Variants in PIP5K1B observed in about 807,000 individuals in gnomAD.
PIP5K1B encodes the protein phosphatidylinositol-4-phosphate 5-kinase type 1 beta.
In PIP5K1B, 42 loss-of-function variants were observed where a neutral mutation model predicts 67.0. That is an observed-to-expected ratio of 0.63 (90% CI 0.49 to 0.81). The LOEUF is 0.81. Ranked by LOEUF, PIP5K1B falls within the 30% of genes least tolerant of loss-of-function variation. The probability of loss-of-function intolerance (pLI) is 0.00; values close to 1 mark genes in which losing one functional copy is unlikely to be tolerated. For missense variants in PIP5K1B, 459 were observed against 646.3 expected (o/e 0.71, Z 3.14); for synonymous variants, 214 against 231.4 (o/e 0.92, Z 0.68).
intron 5 of PIP5K1B, among the ~76,000 whole-genome samples, chr9:68,872,102 C>T (rs1823653943): frequency 1.3e-5 from 2 of 152,206 alleles, no homozygotes; most frequent in South Asian, 4.1e-4. Flanking sequence ...TGATTGCGGT[C>T]ATTGTGTTTG....
intron 14 of PIP5K1B, among the ~76,000 whole-genome samples, chr9:68,988,154 TATAA>T (rs1659916782): frequency 1.3e-5 from 2 of 152,148 alleles, no homozygotes; most frequent in Non-Finnish European, 2.9e-5. Flanking sequence ...TATGGGTATT[TATAA>T]ATAAATAATT....
chr9:68,989,518 C>T (rs1054524692), intron 14 of PIP5K1B, among the ~76,000 whole-genome samples: 1 of 152,030 alleles, frequency 6.6e-6, no homozygotes, highest in Admixed American at 6.5e-5. Flanking sequence ...ACTCTCCCAA[C>T]ACCAATATCA....
At chr9:68,842,255 G>A (rs1219086702) in intron 4 of PIP5K1B, among the ~76,000 whole-genome samples, 5 of 152,150 alleles carry the variant, frequency 3.3e-5, no homozygotes, top group Admixed American at 3.3e-4. Context: ...AGGCAGGGAG[G>A]GTGGACAGGC....
At chr9:68,873,149 C>A (rs1407390834) in intron 5 of PIP5K1B, among the ~76,000 whole-genome samples, 1 of 151,686 alleles carries the variant, frequency 6.6e-6, no homozygotes, top group African/African-American at 2.4e-5. Flanking sequence ...ACCAATCTTC[C>A]AGGTAAAATG....
chr9:68,887,351 G>A (rs913639413), intron 6 of PIP5K1B, among the ~76,000 whole-genome samples: 6 of 152,236 alleles, frequency 3.9e-5, no homozygotes, highest in East Asian at 3.9e-4. Flanking sequence ...GGAGGTTGTC[G>A]CAGGCACAGG....
intron 14 of PIP5K1B, chr9:68,941,157 T>C: frequency 2.2e-6 from 1 of 458,530 alleles, no homozygotes; most frequent in South Asian, 1.6e-5. Flanking sequence ...TATTCTCTTT[T>C]GGTATGTGTG....
At chr9:68,929,991 C>A (rs1826911621) in intron 12 of PIP5K1B, among the ~76,000 whole-genome samples, 1 of 152,188 alleles carries the variant, frequency 6.6e-6, no homozygotes, top group African/African-American at 2.4e-5. Flanking sequence ...TCTTAAAACT[C>A]TCCAGCATGT....
chr9:68,872,442 A>G (rs1234120637), intron 5 of PIP5K1B, among the ~76,000 whole-genome samples: 1 of 152,234 alleles, frequency 6.6e-6, no homozygotes, highest in Non-Finnish European at 1.5e-5. Context: ...GAGGTAAACA[A>G]ACCTTCTGCT....
chr9:68,732,963 C>T (rs188693559), intron 1 of PIP5K1B, among the ~76,000 whole-genome samples: 83 of 151,896 alleles, frequency 5.5e-4, no homozygotes, highest in African/African-American at 1.7e-3. Flanking sequence ...ATGACGACGA[C>T]GATGATGTGG....
At chr9:68,727,901 G>A (rs551757149) in intron 1 of PIP5K1B, among the ~76,000 whole-genome samples, 1 of 152,280 alleles carries the variant, frequency 6.6e-6, no homozygotes, top group South Asian at 2.1e-4. Flanking sequence ...ATCCCCTAAA[G>A]AGATACTTAA....
chr9:68,852,172 A>G (rs961668690), intron 4 of PIP5K1B, among the ~76,000 whole-genome samples: 1 of 152,182 alleles, frequency 6.6e-6, no homozygotes, highest in African/African-American at 2.4e-5. Flanking sequence ...TGGCACATGT[A>G]TACCTATGTA....
At chr9:68,829,445 C>A (rs1319093717) in intron 4 of PIP5K1B, among the ~76,000 whole-genome samples, 1 of 152,144 alleles carries the variant, frequency 6.6e-6, no homozygotes, top group African/African-American at 2.4e-5. Flanking sequence ...TCTGCCTCCA[C>A]CCCCCAGGAA....
intron 13 of PIP5K1B, chr9:68,935,809 T>C (rs1827235903): frequency 1.3e-5 from 2 of 152,194 alleles, no homozygotes; most frequent in Non-Finnish European, 2.9e-5. Context: ...TACACGTTCT[T>C]TACTTTGAAA....
chr9:68,916,602 G>A (rs1268288907), intron 8 of PIP5K1B, among the ~76,000 whole-genome samples: 1 of 152,084 alleles, frequency 6.6e-6, no homozygotes, highest in Non-Finnish European at 1.5e-5. Context: ...GGCTGGGTGC[G>A]GTGGCTCACA....
chr9:68,733,611 T>C (rs918471293), intron 1 of PIP5K1B, among the ~76,000 whole-genome samples: 1 of 146,386 alleles, frequency 6.8e-6, no homozygotes, highest in African/African-American at 2.5e-5. Flanking sequence ...TCCCCACTTA[T>C]TGAAATACTT....
At chr9:68,772,835 G>A (rs1169961853) in intron 2 of PIP5K1B, among the ~76,000 whole-genome samples, 1 of 152,208 alleles carries the variant, frequency 6.6e-6, no homozygotes, top group Admixed American at 6.5e-5. Flanking sequence ...CTTCTGGTAA[G>A]AGTAGTGGAA....
intron 2 of PIP5K1B, among the ~76,000 whole-genome samples, chr9:68,756,307 G>A (rs1829922386): frequency 6.6e-6 from 1 of 152,226 alleles, no homozygotes; most frequent in Non-Finnish European, 1.5e-5. Flanking sequence ...AATGTGAAGA[G>A]TTTGTAAATT....
chr9:68,782,141 G>A (rs574241500), intron 2 of PIP5K1B: 5 of 167,036 alleles, frequency 3.0e-5, no homozygotes, highest in Non-Finnish European at 7.3e-5. Flanking sequence ...CCAAACTAGG[G>A]CACCATTGAT....
At chr9:68,787,370 C>T (rs991098599) in intron 2 of PIP5K1B, among the ~76,000 whole-genome samples, 1 of 152,124 alleles carries the variant, frequency 6.6e-6, no homozygotes. Flanking sequence ...ATAGTGGACT[C>T]GAATTTAAGA....
Sources: allele counts gnomAD v4.1 joint callset (sites outside exome capture counted in the v4.1 genomes callset), GRCh38; gene constraint gnomAD v4.1.1; transcripts MANE v1.5; gene names NCBI Gene and HGNC (gene_info 2026-07-23, HGNC 2026-07-21).